The following GABRG3 variants were observed in gnomAD, a reference collection of about 807,000 sequenced individuals.
GABRG3 encodes the protein gamma-aminobutyric acid receptor subunit gamma-3.
GABRG3 carries 25 observed loss-of-function variants against 48.8 expected under a neutral mutation model. That is an observed-to-expected ratio of 0.51 (90% CI 0.37 to 0.72). The LOEUF is 0.72. Ranked by LOEUF, GABRG3 falls within the 30% of genes least tolerant of loss-of-function variation. The pLI, the probability that GABRG3 is intolerant of heterozygous loss-of-function variation, is 0.00. For missense variants in GABRG3, 394 were observed against 577.9 expected (o/e 0.68, Z 3.26); for synonymous variants, 227 against 217.6 (o/e 1.04, Z -0.38).
intron 3 of GABRG3, among the ~76,000 whole-genome samples, chr15:27,186,637 T>C (rs56409729): frequency 1.7e-3 from 257 of 152,276 alleles, no homozygotes; most frequent in African/African-American, 6.0e-3. Flanking sequence ...ACCAACAATA[T>C]TCCCTTTTCT....
intron 2 of GABRG3, among the ~76,000 whole-genome samples, chr15:26,985,801 T>G (rs1336794996): frequency 6.6e-6 from 1 of 152,224 alleles, no homozygotes; most frequent in Non-Finnish European, 1.5e-5. Context: ...ATGATTAAGA[T>G]ACTATGATTG....
chr15:27,116,602 G>A (rs1174959270), intron 3 of GABRG3, among the ~76,000 whole-genome samples: 4 of 152,144 alleles, frequency 2.6e-5, no homozygotes, highest in African/African-American at 9.7e-5. Context: ...AAGAAACATA[G>A]CCACCATTTA....
At chr15:27,282,634 C>A (rs1485860403) in intron 3 of GABRG3, among the ~76,000 whole-genome samples, 4 of 152,140 alleles carry the variant, frequency 2.6e-5, no homozygotes. Flanking sequence ...GAGTTCTTAA[C>A]TGCTCACTGG....
chr15:27,478,828 T>C (rs1048951777), intron 5 of GABRG3, among the ~76,000 whole-genome samples: 11 of 152,286 alleles, frequency 7.2e-5, no homozygotes, highest in African/African-American at 2.6e-4. Flanking sequence ...GAGAATGGAG[T>C]ACTGATGTGT....
At chr15:27,435,761 A>G (rs141625646) in intron 5 of GABRG3, among the ~76,000 whole-genome samples, 2 of 152,366 alleles carry the variant, frequency 1.3e-5, no homozygotes, top group East Asian at 3.9e-4. Context: ...TCCAGAATTT[A>G]TAGGCTTCAT....
Position 27,180,854 on chromosome 15 carries a change from G to A in GABRG3, c.271-145955G>A, listed in dbSNP as rs528494295. Among the ~76,000 whole-genome samples, 2 of 152,240 alleles carry A rather than the reference G, an allele frequency of 1.3e-5. No individual in the cohort carries two copies. Among genetic ancestry groups the A allele is most frequent in the African/African-American group, 4.8e-5 (2 of 41,542 alleles). On this transcript the variant is annotated intron_variant, in intron 3 of 9. Transcript: ENST00000615808. The surrounding 1 kb of genome is among the most constrained non-coding windows in gnomAD (Gnocchi z 4.2). ...TAGCCACTGAAAAGGTCTATCTTAT[G>A]TCTACTTAAGGCTGGAGGCTTGGAC...
intron 3 of GABRG3, among the ~76,000 whole-genome samples, chr15:27,227,405 G>A (rs1889658870): frequency 6.6e-6 from 1 of 152,134 alleles, no homozygotes; most frequent in Non-Finnish European, 1.5e-5. Flanking sequence ...GGCTGAGGGG[G>A]GAGGATCACC....
intron 5 of GABRG3, among the ~76,000 whole-genome samples, chr15:27,372,666 C>A (rs1450609650): frequency 6.6e-6 from 1 of 152,304 alleles, no homozygotes; most frequent in East Asian, 1.9e-4. Context: ...TACTAGGCCA[C>A]CGTGCCTGGC....
At chr15:27,206,271 C>T (rs1182676419) in intron 3 of GABRG3, among the ~76,000 whole-genome samples, 1 of 152,098 alleles carries the variant, frequency 6.6e-6, no homozygotes, top group Non-Finnish European at 1.5e-5. Context: ...TCATTAGTTT[C>T]AAAGAATTTC....
intron 5 of GABRG3, among the ~76,000 whole-genome samples, chr15:27,460,980 C>G (rs528636581): frequency 1.3e-5 from 2 of 152,282 alleles, no homozygotes; most frequent in East Asian, 3.9e-4. Context: ...TTGGTAGGCC[C>G]TAAAACAGGT....
chr15:27,018,769 C>T (rs1352707607), intron 2 of GABRG3, among the ~76,000 whole-genome samples: 3 of 152,120 alleles, frequency 2.0e-5, no homozygotes, highest in Non-Finnish European at 4.4e-5. Context: ...AACATTTTTG[C>T]ATGGACTCAG....
intron 2 of GABRG3, among the ~76,000 whole-genome samples, chr15:27,019,998 G>T (rs1025573223): frequency 2.0e-5 from 3 of 151,958 alleles, no homozygotes; most frequent in African/African-American, 7.3e-5. Flanking sequence ...TAATTCCAGG[G>T]GCCTTAACAA....
At chr15:27,267,436 T>C (rs1464991317) in intron 3 of GABRG3, among the ~76,000 whole-genome samples, 1 of 127,786 alleles carries the variant, frequency 7.8e-6, no homozygotes, top group Non-Finnish European at 1.7e-5. Context: ...TCATGTTAGC[T>C]CAAGGATTTT....
chr15:27,113,017 C>T (rs1897580590), intron 3 of GABRG3, among the ~76,000 whole-genome samples: 1 of 152,046 alleles, frequency 6.6e-6, no homozygotes, highest in South Asian at 2.1e-4. Context: ...TATAGAATTC[C>T]TACAATTCAG....
chr15:27,001,608 A>T (rs941197594), intron 2 of GABRG3, among the ~76,000 whole-genome samples: 1 of 152,184 alleles, frequency 6.6e-6, no homozygotes, highest in African/African-American at 2.4e-5. Context: ...TTTCACTGGG[A>T]TACTCTTTAT....
At chr15:27,028,445 C>A (rs184210399) in intron 3 of GABRG3, among the ~76,000 whole-genome samples, 1 of 152,198 alleles carries the variant, frequency 6.6e-6, no homozygotes, top group East Asian at 1.9e-4. Flanking sequence ...CAAAACAGAT[C>A]CCTGCGTTTG....
At chr15:26,977,720 A>G (rs890218153) in intron 2 of GABRG3, among the ~76,000 whole-genome samples, 1 of 152,150 alleles carries the variant, frequency 6.6e-6, no homozygotes, top group Non-Finnish European at 1.5e-5. Context: ...TTAGCCATTC[A>G]TCTGTTGGGG....
intron 5 of GABRG3, among the ~76,000 whole-genome samples, chr15:27,436,995 TAGAGAGAGAGAGAGAG>T (rs10549691): frequency 3.1e-5 from 4 of 130,476 alleles, no homozygotes; most frequent in Admixed American, 7.9e-5. Flanking sequence ...CTCCGAAAAA[TAGAGAGAGAGAGAGAG>T]AGAGAGAGAG....
Position 27,304,849 on chromosome 15 carries a change from C to G in GABRG3, c.271-21960C>G, listed in dbSNP as rs141641271. On this transcript the variant is annotated intron_variant, in intron 3 of 9. Coordinates refer to ENST00000615808, the MANE Select transcript of GABRG3 (RefSeq NM_033223.5). ...TTAGGGACTATTATTCTGTCTACCA[C>G]AAGTTGAAAGAGTTCTTTACATATT... Among the ~76,000 whole-genome samples, 163 of 152,058 alleles carry G rather than the reference C, an allele frequency of 1.1e-3. 1 individual carries two copies. The highest frequency in any genetic ancestry group is 6.6e-4 in the Non-Finnish European group (45 of 67,906).
Sources: allele counts gnomAD v4.1 joint callset (sites outside exome capture counted in the v4.1 genomes callset), GRCh38; gene constraint gnomAD v4.1.1; non-coding constraint Gnocchi (gnomAD v3.1); transcripts MANE v1.5; gene names NCBI Gene and HGNC (gene_info 2026-07-23, HGNC 2026-07-21).